HDAC4: variants seen among roughly 807,000 people sequenced by gnomAD.
The protein encoded by HDAC4 is histone deacetylase 4, also known as histone deacetylase A.
Under a neutral mutation model 135.1 loss-of-function variants are expected in HDAC4, and 16 were observed. The observed-to-expected ratio is 0.12, with a 90% CI of 0.08 to 0.18. The LOEUF (loss-of-function observed/expected upper bound fraction) is 0.18. HDAC4 is among the 10% of genes least tolerant of loss of function. The probability of loss-of-function intolerance (pLI) is 1.00; values close to 1 mark genes in which losing one functional copy is unlikely to be tolerated. For synonymous variants in HDAC4, 685 were observed against 653.4 expected (o/e 1.05, Z -0.74); for missense variants, 1,143 against 1,511.8 (o/e 0.76, Z 4.05).
rs558937982 is a variant in HDAC4 at position 239,058,114 on chromosome 2, C to T, written c.3004-3281G>A. 1.4e-4 allele frequency among the ~76,000 whole-genome samples: 22 copies of T among 152,340 alleles called. No homozygotes were observed. In the South Asian group the frequency reaches 4.6e-3, roughly 32 times the overall value. ...CCTGGGTGCTCTGTGTCTACTCTGG[C>T]ACCCTAATTGGGGCTGGCCCAGTCC... On this transcript the variant is annotated intron_variant, in intron 24 of 26. Coordinates refer to ENST00000543185, the MANE Select transcript of HDAC4 (RefSeq NM_001378414.1).
At chr2:239,209,437 T>C (rs149400528) in intron 3 of HDAC4, among the ~76,000 whole-genome samples, 196 of 152,304 alleles carry the variant, frequency 1.3e-3, no homozygotes, top group African/African-American at 4.6e-3. Context: ...GTTCCACAAA[T>C]GCAGCTGGGA....
At chr2:239,178,841 G>C (rs1160988561) in intron 4 of HDAC4, among the ~76,000 whole-genome samples, 4 of 152,240 alleles carry the variant, frequency 2.6e-5, no homozygotes, top group African/African-American at 9.6e-5. Flanking sequence ...TGGCTCCAGA[G>C]TGGGGCTTCC....
intron 12 of HDAC4, among the ~76,000 whole-genome samples, chr2:239,118,920 T>G (rs1056958033): frequency 6.6e-6 from 1 of 152,182 alleles, no homozygotes; most frequent in African/African-American, 2.4e-5. Context: ...TCCTGCACAC[T>G]GAGAGCCTGA....
intron 2 of HDAC4, among the ~76,000 whole-genome samples, chr2:239,317,784 G>A (rs2053168725): frequency 6.6e-6 from 1 of 152,194 alleles, no homozygotes; most frequent in Non-Finnish European, 1.5e-5. Flanking sequence ...CAACGACAGA[G>A]GGTCCTCAAG....
chr2:239,082,320 G>A (rs1031366372), intron 20 of HDAC4, 99 bp from the exon 21 acceptor site: 50 of 1,469,458 alleles, frequency 3.4e-5, no homozygotes, highest in African/African-American at 2.8e-4. Context: ...TAGTGACAAC[G>A]GCTCCTGCTC....
At chr2:239,368,768 T>C (rs948929163) in intron 1 of HDAC4, among the ~76,000 whole-genome samples, 5 of 151,892 alleles carry the variant, frequency 3.3e-5, no homozygotes, top group Non-Finnish European at 5.9e-5. Context: ...ACTGCTGGAG[T>C]GGACCCTCCT....
rs569264959 is a variant in HDAC4, at chr2:239,240,922, C to T, written c.23-4258G>A. ...TTGCTTTTCAGAATCCACCTTGCAT[C>T]AGACGGGTAGGTATGTCTAACCAGA... On this transcript the variant is annotated intron_variant, in intron 2 of 26. Coordinates refer to ENST00000543185, the MANE Select transcript of HDAC4 (RefSeq NM_001378414.1). This position sits in a 1 kb window ranked among gnomAD's most constrained non-coding sequence, Gnocchi z 4.5. 1.9e-4 allele frequency among the ~76,000 whole-genome samples: 29 copies of T among 151,880 alleles called. No homozygotes were observed. Among genetic ancestry groups the T allele is most frequent in the Admixed American group, 1.6e-3 (25 of 15,294 alleles).
chr2:239,121,600 C>A (rs559877985), intron 12 of HDAC4, among the ~76,000 whole-genome samples: 1 of 152,352 alleles, frequency 6.6e-6, no homozygotes, highest in South Asian at 2.1e-4. Context: ...TCCTCCCTTT[C>A]ACGAGGATGA....
rs944823505 is a variant in HDAC4, at chr2:239,242,176, A to G, written c.23-5512T>C. 2.8e-5 allele frequency among the ~76,000 whole-genome samples: 4 copies of G among 144,042 alleles called. No homozygotes were observed. The Admixed American group carries it at 2.8e-4, about 10-fold the overall frequency. The allele number at this position is 144,042 out of a possible 152,430, so 94.5% of individuals were successfully genotyped here. On this transcript the variant is annotated intron_variant, in intron 2 of 26. Transcript: ENST00000543185. The stretch of plus-strand genomic sequence containing the variant: ...AGAGAAAGAAAGAAAAGAGAAAGAA[A>G]GAGAGAGAGAGAAAGAGGGAGAGAA...
At chr2:239,107,981 C>A (rs367825741) in intron 15 of HDAC4, 69 bp downstream of exon 15, 3 of 1,587,140 alleles carry the variant, frequency 1.9e-6, no homozygotes, top group Non-Finnish European at 2.6e-6. Context: ...CTGAATCACG[C>A]GGGCCCACGA....
intron 22 of HDAC4, among the ~76,000 whole-genome samples, chr2:239,070,372 GTA>G (rs2034052707): frequency 6.6e-6 from 1 of 152,218 alleles, no homozygotes; most frequent in African/African-American, 2.4e-5. Flanking sequence ...AATAAGGAAA[GTA>G]TTCTATTTGG....
rs1204640545 is a variant in HDAC4, at chr2:239,115,709, G to A, written c.1534-399C>T. ...CTGACCTCACAGCCACAACTGCTAA[G>A]AGAAACAGCCCACCACCCACTCAGC... On this transcript the variant is annotated intron_variant, in intron 12 of 26. Coordinates refer to ENST00000543185, the MANE Select transcript of HDAC4 (RefSeq NM_001378414.1). This position sits in a 1 kb window ranked among gnomAD's most constrained non-coding sequence, Gnocchi z 6.3. Among the ~76,000 whole-genome samples, 1 of 152,098 alleles carries A rather than the reference G, an allele frequency of 6.6e-6. No individual in the cohort carries two copies. Among genetic ancestry groups the A allele is most frequent in the South Asian group, 2.1e-4 (1 of 4,828 alleles).
At chr2:239,361,985 A>C (rs1223828779) in intron 1 of HDAC4, among the ~76,000 whole-genome samples, 1 of 152,254 alleles carries the variant, frequency 6.6e-6, no homozygotes, top group African/African-American at 2.4e-5. Flanking sequence ...GGACGTTTGA[A>C]ATGTGTATCT....
chr2:239,111,289 G>T (rs539102058), intron 14 of HDAC4, among the ~76,000 whole-genome samples: 1 of 152,246 alleles, frequency 6.6e-6, no homozygotes, highest in Non-Finnish European at 1.5e-5. Context: ...TCTGGGACAG[G>T]AAAGTGGGCA....
Position 239,167,895 on chromosome 2 carries a change from C to G in HDAC4, c.491-3972G>C, listed in dbSNP as rs1366100422. The stretch of plus-strand genomic sequence containing the variant: ...AGGGGGCAGAGAGTGCACCCGAGAC[C>G]TAAGGAATGAGCGAGCAACAGCTGA... On this transcript the variant is annotated intron_variant, in intron 5 of 26. Coordinates refer to ENST00000543185, the MANE Select transcript of HDAC4 (RefSeq NM_001378414.1). This position sits in a 1 kb window ranked among gnomAD's most constrained non-coding sequence, Gnocchi z 4.1. Among the ~76,000 whole-genome samples the G allele has an allele frequency of 7.1e-6, 1 of 141,594 alleles. No homozygotes were observed. Among genetic ancestry groups the G allele is most frequent in the Non-Finnish European group, 1.5e-5 (1 of 66,670 alleles). 92.9% of individuals were successfully genotyped at this position (141,594 alleles called of 152,430 possible). A position where few individuals can be genotyped will look rare whatever the true frequency, so the allele number is the denominator to read the frequency against.
At chr2:239,225,210 TTACAAATTAAATAA>T (rs2047172359) in intron 3 of HDAC4, among the ~76,000 whole-genome samples, 1 of 152,148 alleles carries the variant, frequency 6.6e-6, no homozygotes, top group African/African-American at 2.4e-5. Context: ...GTAATATGCT[TTACAAATTAAATAA>T]TACAAATTAG....
chr2:239,163,959 T>C, intron 5 of HDAC4, 36 bp from the exon 6 acceptor site: 2 of 1,613,482 alleles, frequency 1.2e-6, no homozygotes, highest in Non-Finnish European at 1.7e-6. Flanking sequence ...GGGTGAAGTG[T>C]GGCTCTGCCC....
intron 19 of HDAC4, chr2:239,085,883 A>G (rs1005530494): frequency 1.4e-5 from 2 of 142,856 alleles, no homozygotes; most frequent in African/African-American, 2.7e-5. Flanking sequence ...GGATCTGACT[A>G]TCTCTCACGT....
intron 1 of HDAC4, among the ~76,000 whole-genome samples, chr2:239,357,614 T>C (rs1693580533): frequency 6.6e-6 from 1 of 151,724 alleles, no homozygotes; most frequent in African/African-American, 2.4e-5. Flanking sequence ...CCAGGTGTGG[T>C]GGCTCACACC....
Sources: allele counts gnomAD v4.1 joint callset (sites outside exome capture counted in the v4.1 genomes callset), GRCh38; gene constraint gnomAD v4.1.1; non-coding constraint Gnocchi (gnomAD v3.1); transcripts MANE v1.5; gene names NCBI Gene and HGNC (gene_info 2026-07-23, HGNC 2026-07-21).